CYTH4: variants seen among roughly 807,000 people sequenced by gnomAD.
The protein encoded by CYTH4 is cytohesin 4.
CYTH4 carries 22 observed loss-of-function variants against 57.5 expected under a neutral mutation model. That is an observed-to-expected ratio of 0.38 (90% CI 0.27 to 0.55). The LOEUF is 0.55. CYTH4 is among the 20% of genes least tolerant of loss of function. The probability of loss-of-function intolerance (pLI) is 0.74; values close to 1 mark genes in which losing one functional copy is unlikely to be tolerated. For missense variants in CYTH4, 420 were observed against 535.6 expected (o/e 0.78, Z 2.13); for synonymous variants, 186 against 206.5 (o/e 0.90, Z 0.85).
intron 8 of CYTH4, among the ~76,000 whole-genome samples, chr22:37,306,049 T>G (rs796901872): frequency 2.0e-4 from 30 of 152,336 alleles, no homozygotes; most frequent in African/African-American, 7.2e-4. Context: ...ACCTTGGACA[T>G]GAGCCTCAGC....
intron 1 of CYTH4, among the ~76,000 whole-genome samples, chr22:37,287,457 T>C (rs147273500): frequency 1.7e-3 from 254 of 152,278 alleles, no homozygotes; most frequent in Non-Finnish European, 2.9e-3. Flanking sequence ...AGGAAAACTG[T>C]ATAAAGCCAA....
intron 1 of CYTH4, among the ~76,000 whole-genome samples, chr22:37,286,624 G>C (rs1002507194): frequency 2.0e-5 from 3 of 152,172 alleles, no homozygotes; most frequent in African/African-American, 7.2e-5. Context: ...TAGGAGATAA[G>C]GAGGGGCTGC....
At chr22:37,290,767 C>T (rs1002721337) in intron 1 of CYTH4, among the ~76,000 whole-genome samples, 6 of 152,230 alleles carry the variant, frequency 3.9e-5, no homozygotes, top group Middle Eastern at 3.2e-3. Flanking sequence ...CTCGGCCTCC[C>T]AAAGTGCTGG....
At chr22:37,299,722 A>C (rs1929113169) in intron 6 of CYTH4, among the ~76,000 whole-genome samples, 1 of 152,226 alleles carries the variant, frequency 6.6e-6, no homozygotes, top group African/African-American at 2.4e-5. Context: ...CTGCAGAGGC[A>C]GTCCAATTAT....
At chr22:37,290,109 T>G (rs1928698595) in intron 1 of CYTH4, among the ~76,000 whole-genome samples, 1 of 152,134 alleles carries the variant, frequency 6.6e-6, no homozygotes, top group Non-Finnish European at 1.5e-5. Context: ...TCCATTCCAA[T>G]TCTACATCTG....
chr22:37,314,209 C>T lies in CYTH4; in HGVS notation c.*698C>T. On this transcript the variant is annotated 3_prime_UTR_variant, in exon 13 of 13. Transcript: ENST00000248901. ...GTTTGGACTAGAAACGTATTGGCCC[C>T]TGCTAGCCCTGTGCTCCAGCTTCCA... 1 of 397,382 alleles carries T rather than the reference C, an allele frequency of 2.5e-6. No homozygotes were observed. Among genetic ancestry groups the T allele is most frequent in the Non-Finnish European group, 4.4e-6 (1 of 225,652 alleles). The allele number at this position is 397,382 out of a possible 1,614,324, so 24.6% of individuals were successfully genotyped here.
chr22:37,301,017 C>G lies in CYTH4; in HGVS notation c.545C>G (p.Thr182Arg). 6.2e-7 allele frequency: 1 copy of G among 1,613,596 alleles called. No homozygotes were observed. The highest frequency in any genetic ancestry group is 8.5e-7 in the Non-Finnish European group (1 of 1,179,620). ...TGCAACCCAGGCGTCTTCCAGTCCA[C>G]AGGTGCCAGGAGGGGAGTGGGACCC... ...CLCNPGVFQSTDTCYVLSFSI... is the reference protein window; with the variant it reads ...CLCNPGVFQSRDTCYVLSFSI... The change falls in exon 7 of 13, where the codon ACA becomes AGA. Residue 182 changes from threonine to arginine, a missense_variant and splice_region_variant. Physicochemically the swap from Thr to Arg is moderately conservative, Grantham distance 71. Coordinates refer to ENST00000248901, the MANE Select transcript of CYTH4 (RefSeq NM_013385.5).
At position 37,311,184 on chromosome 22, in the gene CYTH4, C is replaced by A; in HGVS notation, c.885+120C>A. ...GGATCCTTTGAGATCATTCAGTCCCCCTCCATGCCCATTTTACAGATGGGG... is the reference window on the plus strand; with the variant it reads ...GGATCCTTTGAGATCATTCAGTCCCACTCCATGCCCATTTTACAGATGGGG... On this transcript the variant is annotated intron_variant, in intron 10 of 12. Coordinates refer to ENST00000248901, the MANE Select transcript of CYTH4 (RefSeq NM_013385.5). This position sits in a 1 kb window ranked among gnomAD's most constrained non-coding sequence, Gnocchi z 4.4. The A allele has an allele frequency of 2.6e-6, 3 of 1,149,296 alleles. No homozygotes were observed. The highest frequency in any genetic ancestry group is 2.7e-5 in the South Asian group (2 of 74,638). The allele number at this position is 1,149,296 out of a possible 1,614,324, so 71.2% of individuals were successfully genotyped here. A position where few individuals can be genotyped will look rare whatever the true frequency, so the allele number is the denominator to read the frequency against.
chr22:37,283,722 A>G (rs1041895), intron 1 of CYTH4, among the ~76,000 whole-genome samples: 103,134 of 151,946 alleles, frequency 0.68, 35,574 homozygotes, highest in African/African-American at 0.81. Flanking sequence ...CTGAATCCCT[A>G]TCCAGGGCTC....
In CYTH4 at chr22:37,295,373, C is replaced by T. The variant is rs1382589832; in HGVS notation, c.168-626C>T. Among the ~76,000 whole-genome samples the T allele has an allele frequency of 1.3e-5, 2 of 151,868 alleles. No individual in the cohort carries two copies. The highest frequency in any genetic ancestry group is 3.9e-4 in the East Asian group (2 of 5,170). On this transcript the variant is annotated intron_variant, in intron 3 of 12. Transcript: ENST00000248901. The surrounding 1 kb of genome is among the most constrained non-coding windows in gnomAD (Gnocchi z 4.1). ...CAGCCTCCTCCCCTCCCCCACCACACACATGCACACACACACACGCATGCA... is the reference window on the plus strand; with the variant it reads ...CAGCCTCCTCCCCTCCCCCACCACATACATGCACACACACACACGCATGCA...
chr22:37,313,755 A>G lies in CYTH4; in HGVS notation c.*244A>G, dbSNP rs1929739316. 2 of 547,968 alleles carry G rather than the reference A, an allele frequency of 3.6e-6. No individual in the cohort carries two copies. The highest frequency in any genetic ancestry group is 2.1e-5 in the South Asian group (1 of 46,538). The allele number at this position is 547,968 out of a possible 1,614,324, so 33.9% of individuals were successfully genotyped here. ...GCACCCAGCTGCAGGCCCCTGCCCTACGTGCACTACAGGAAGGGGTGAGGA... is the reference window on the plus strand; with the variant it reads ...GCACCCAGCTGCAGGCCCCTGCCCTGCGTGCACTACAGGAAGGGGTGAGGA... On this transcript the variant is annotated 3_prime_UTR_variant, in exon 13 of 13. Coordinates refer to ENST00000248901, the MANE Select transcript of CYTH4 (RefSeq NM_013385.5).
At chr22:37,303,146 G>A (rs1477092176) in intron 7 of CYTH4, 108 bp from the exon 8 acceptor site, 3 of 1,456,708 alleles carry the variant, frequency 2.1e-6, no homozygotes, top group African/African-American at 1.9e-5. Context: ...AGGAGGACAA[G>A]GTGGACCTTC....
intron 7 of CYTH4, 87 bp from the exon 8 acceptor site, chr22:37,303,166 CA>C (rs1929249702): frequency 2.3e-5 from 36 of 1,556,462 alleles, no homozygotes; most frequent in Non-Finnish European, 2.9e-5. Flanking sequence ...CGGGGCCTTG[CA>C]ATGGCAGTTC....
intron 8 of CYTH4, among the ~76,000 whole-genome samples, chr22:37,306,445 C>G (rs1331775661): frequency 6.6e-6 from 1 of 152,192 alleles, no homozygotes; most frequent in Non-Finnish European, 1.5e-5. Flanking sequence ...GGACACTGAG[C>G]TCCATGAGAG....
At chr22:37,312,414 A>G (rs994149991) in intron 12 of CYTH4, among the ~76,000 whole-genome samples, 4 of 152,226 alleles carry the variant, frequency 2.6e-5, no homozygotes, top group African/African-American at 9.6e-5. Context: ...AGAATAGAGC[A>G]AAGAGTTGCA....
chr22:37,307,481 G>A (rs1929444007), intron 8 of CYTH4, among the ~76,000 whole-genome samples: 1 of 152,146 alleles, frequency 6.6e-6, no homozygotes, highest in Admixed American at 6.5e-5. Flanking sequence ...AGAGAAACTG[G>A]TGCCTGCTCT....
chr22:37,296,249 C>A, intron 4 of CYTH4, 184 bp downstream of exon 4: 1 of 636,592 alleles, frequency 1.6e-6, no homozygotes, highest in Non-Finnish European at 2.7e-6. Context: ...TGTCTACTCC[C>A]AGGCATACAC....
At chr22:37,301,682 CTTTTTTTTTTTTT>C (rs71798839) in intron 7 of CYTH4, among the ~76,000 whole-genome samples, 2 of 50,410 alleles carry the variant, frequency 4.0e-5, no homozygotes, top group East Asian at 6.1e-4. Flanking sequence ...CCACTCAATC[CTTTTTTTTTTTTT>C]TTTTTTTTTT....
rs755620927 is a variant in CYTH4, at chr22:37,314,044, G to A, written c.*533G>A. The A allele has an allele frequency of 4.5e-5, 13 of 290,682 alleles. No homozygotes were observed. The highest frequency in any genetic ancestry group is 1.5e-4 in the South Asian group (1 of 6,568). 18.0% of individuals were successfully genotyped at this position (290,682 alleles called of 1,614,324 possible). ...CAGCACACACACAGCTCAGACCCAC[G>A]GACAGGACCCCGGGACAGAACCCCG... On this transcript the variant is annotated 3_prime_UTR_variant, in exon 13 of 13. Transcript: ENST00000248901.
Sources: gnomAD v4.1 joint callset for allele counts (sites outside exome capture counted in the v4.1 genomes callset) on GRCh38, gnomAD v4.1.1 for gene constraint, Gnocchi (gnomAD v3.1) non-coding constraint, MANE v1.5 for transcripts, NCBI Gene and HGNC (gene_info 2026-07-23, HGNC 2026-07-21) for gene names.